The following CC2D2B variants were observed in gnomAD, a reference collection of about 807,000 sequenced individuals.
CC2D2B encodes the protein protein CC2D2B.
Under a neutral mutation model 161.2 loss-of-function variants are expected in CC2D2B, and 128 were observed. That is an observed-to-expected ratio of 0.79 (90% CI 0.69 to 0.92). CC2D2B has a LOEUF of 0.92. CC2D2B is among the 40% of genes least tolerant of loss of function. The probability of loss-of-function intolerance (pLI) is 0.00; values close to 1 mark genes in which losing one functional copy is unlikely to be tolerated. For synonymous variants in CC2D2B, 391 were observed against 449.8 expected, an observed-to-expected ratio of 0.87 and a Z score of 1.65; for missense variants, 1,173 against 1,375.1, an observed-to-expected ratio of 0.85 and a Z score of 2.32.
chr10:95,993,765 A>AGT (rs1465921780), intron 22 of CC2D2B, among the ~76,000 whole-genome samples: 4 of 146,682 alleles, frequency 2.7e-5, no homozygotes, highest in Non-Finnish European at 6.0e-5. Context: ...ATATAGAAAG[A>AGT]GTGTGTATAT....
At chr10:96,029,830 C>T (rs866601321) in intron 34 of CC2D2B, among the ~76,000 whole-genome samples, 3 of 137,530 alleles carry the variant, frequency 2.2e-5, no homozygotes, top group Middle Eastern at 8.1e-3. Context: ...TTTTTTTTTG[C>T]GACGAGGTCT....
intron 34 of CC2D2B, among the ~76,000 whole-genome samples, chr10:96,028,972 G>A (rs1240775668): frequency 6.6e-6 from 1 of 151,942 alleles, no homozygotes; most frequent in African/African-American, 2.4e-5. Flanking sequence ...ACCAGAGGCT[G>A]GGAAGGGGAG....
intron 19 of CC2D2B, among the ~76,000 whole-genome samples, chr10:95,987,763 G>T (rs2077789430): frequency 6.6e-6 from 1 of 152,138 alleles, no homozygotes; most frequent in Non-Finnish European, 1.5e-5. Context: ...TCTTGTGACA[G>T]AGGCATTATT....
rs1191037973 is a variant in CC2D2B at position 95,993,873 on chromosome 10, GTA to G, written c.2642+1191_2642+1192del. Among the ~76,000 whole-genome samples the G allele has an allele frequency of 3.5e-3, 285 of 80,730 alleles. 7 individuals are homozygous for G. The highest frequency in any genetic ancestry group is 0.012 in the African/African-American group (220 of 18,370). The allele number at this position is 80,730 out of a possible 152,430, so 53.0% of individuals were successfully genotyped here. A position where few individuals can be genotyped will look rare whatever the true frequency, so the allele number is the denominator to read the frequency against. ...ATATAGAGAGAGAGAGAGAGAGAGT[GTA>G]TATATATATATATAGAGAGAGAGAA... On this transcript the variant is annotated intron_variant, in intron 22 of 34. Coordinates refer to ENST00000646931, the MANE Select transcript of CC2D2B (RefSeq NM_001349008.3).
intron 6 of CC2D2B, among the ~76,000 whole-genome samples, chr10:95,932,749 A>G (rs2075654933): frequency 6.6e-6 from 1 of 152,194 alleles, no homozygotes. Context: ...ATAGAGATCC[A>G]CTGTTAGTCT....
At chr10:96,018,519 T>C (rs940686232) in intron 30 of CC2D2B, among the ~76,000 whole-genome samples, 1 of 152,208 alleles carries the variant, frequency 6.6e-6, no homozygotes, top group African/African-American at 2.4e-5. Context: ...CTTGTATGAA[T>C]TAGACAAAAG....
chr10:95,959,159 A>G lies in CC2D2B; in HGVS notation c.1110-2670A>G, dbSNP rs1204137460. The stretch of plus-strand genomic sequence containing the variant: ...AAAAAAAACCTTAAGTAATTCAATA[A>G]TTGTTAAAGAAATCAAACCATTAAT... On this transcript the variant is annotated intron_variant, in intron 11 of 34. Coordinates refer to ENST00000646931, the MANE Select transcript of CC2D2B (RefSeq NM_001349008.3). Among the ~76,000 whole-genome samples the G allele has an allele frequency of 2.6e-5, 4 of 152,362 alleles. No homozygotes were observed. In the East Asian group the frequency reaches 7.7e-4, roughly 29 times the overall value.
intron 5 of CC2D2B, among the ~76,000 whole-genome samples, chr10:95,926,058 G>C (rs2098537825): frequency 6.6e-6 from 1 of 151,944 alleles, no homozygotes; most frequent in Non-Finnish European, 1.5e-5. Flanking sequence ...GCACCTCTTA[G>C]ATGCTTAATA....
At chr10:95,918,362 T>G (rs1339140724) in intron 2 of CC2D2B, among the ~76,000 whole-genome samples, 1 of 152,226 alleles carries the variant, frequency 6.6e-6, no homozygotes, top group East Asian at 1.9e-4. Flanking sequence ...CTCCTTCATC[T>G]TTGACGATAT....
chr10:95,945,594 C>T (rs2076168388), intron 9 of CC2D2B, among the ~76,000 whole-genome samples: 1 of 152,014 alleles, frequency 6.6e-6, no homozygotes, highest in Non-Finnish European at 1.5e-5. Flanking sequence ...ATATGTCAAC[C>T]AGCTTGGATG....
Position 95,992,647 on chromosome 10 carries a change from C to T in CC2D2B, c.2592C>T (p.Val864=). Reference sequence around the variant, plus strand: ...CTGACGGAGATATTAAGATTCTTGTCCGAATAGTGAGGGCCTATAATATTC... The same window carrying T: ...CTGACGGAGATATTAAGATTCTTGTTCGAATAGTGAGGGCCTATAATATTC... The part of the protein sequence containing the change: ...AISDGDIKIL[V]RIVRAYNIPT... Residue 864 remains valine (V), a synonymous_variant, in exon 22 of 35, where the codon GTC becomes GTT. Coordinates refer to ENST00000646931, the MANE Select transcript of CC2D2B (RefSeq NM_001349008.3). 8.1e-7 allele frequency: 1 copy of T among 1,234,128 alleles called. No homozygotes were observed. The highest frequency in any genetic ancestry group is 1.0e-6 in the Non-Finnish European group (1 of 988,058). The allele number at this position is 1,234,128 out of a possible 1,614,324, so 76.4% of individuals were successfully genotyped here.
chr10:95,961,843 T>C lies in CC2D2B; in HGVS notation c.1124T>C (p.Met375Thr), dbSNP rs1305339200. Reference protein sequence around the residue: ...YYWQISNTKQMYDLERGKDLS... With the variant: ...YYWQISNTKQTYDLERGKDLS... ...TTTTGTTGTAGTAATACAAAACAGA[T>C]GTATGACTTAGAAAGGGGAAAGGAC... Residue 375 changes from methionine (M) to threonine (T), a missense_variant, in exon 12 of 35, where the codon ATG (methionine) becomes ACG (threonine). Met to Thr is a moderately conservative substitution (Grantham distance 81). Coordinates refer to ENST00000646931, the MANE Select transcript of CC2D2B (RefSeq NM_001349008.3). The C allele has an allele frequency of 3.2e-6, 4 of 1,231,596 alleles. No homozygotes were observed. The highest frequency in any genetic ancestry group is 1.6e-5 in the African/African-American group (1 of 64,484). 76.3% of individuals were successfully genotyped at this position (1,231,596 alleles called of 1,614,324 possible). A position where few individuals can be genotyped will look rare whatever the true frequency, so the allele number is the denominator to read the frequency against.
intron 29 of CC2D2B, among the ~76,000 whole-genome samples, chr10:96,015,506 T>C (rs2079159490): frequency 6.6e-6 from 1 of 151,988 alleles, no homozygotes; most frequent in African/African-American, 2.4e-5. Flanking sequence ...TCCAGAGTTT[T>C]CTAAGAAAAT....
intron 10 of CC2D2B, chr10:95,950,382 A>T (rs1418114155): frequency 3.0e-5 from 7 of 235,624 alleles, no homozygotes; most frequent in Admixed American, 5.6e-5. Context: ...TAATGAAAAG[A>T]GCCATGTGGC....
chr10:95,919,076 G>A (rs1003468498), intron 2 of CC2D2B: 1 of 152,020 alleles, frequency 6.6e-6, no homozygotes, highest in Non-Finnish European at 1.5e-5. Flanking sequence ...TGAATTCACC[G>A]CTTGAAAGAT....
At chr10:95,962,491 A>G (rs909841388) in intron 12 of CC2D2B, among the ~76,000 whole-genome samples, 2 of 152,216 alleles carry the variant, frequency 1.3e-5, no homozygotes, top group Non-Finnish European at 2.9e-5. Flanking sequence ...AGTTTGGCAC[A>G]TTCTTATAAA....
chr10:95,909,121 GC>G, intron 1 of CC2D2B, among the ~76,000 whole-genome samples: 1 of 152,220 alleles, frequency 6.6e-6, no homozygotes, highest in South Asian at 2.1e-4. Context: ...CTTTTGTCAC[GC>G]CGTTTGTTCC....
Position 95,974,008 on chromosome 10 carries a change from G to A in CC2D2B, c.1796-1G>A. 8.1e-7 allele frequency: 1 copy of A among 1,230,830 alleles called. No homozygotes were observed. The highest frequency in any genetic ancestry group is 1.0e-6 in the Non-Finnish European group (1 of 986,926). The allele number at this position is 1,230,830 out of a possible 1,614,324, so 76.2% of individuals were successfully genotyped here. On this transcript the variant is annotated splice_acceptor_variant, in intron 16 of 34. Transcript: ENST00000646931. LOFTEE classifies it high-confidence loss of function. ...ATGTTTTTAATGCCTTTTATAAACA[G>A]ATGTGCCTTTTCTTCTTGAGGGAAA...
chr10:95,923,708 C>T (rs1007602845), intron 3 of CC2D2B, among the ~76,000 whole-genome samples: 15 of 151,992 alleles, frequency 9.9e-5, no homozygotes, highest in African/African-American at 3.1e-4. Context: ...TATGTACCCA[C>T]GATAATTAAA....
Sources: gnomAD v4.1 joint callset for allele counts (sites outside exome capture counted in the v4.1 genomes callset) on GRCh38, gnomAD v4.1.1 for gene constraint, MANE v1.5 for transcripts, NCBI Gene and HGNC (gene_info 2026-07-23, HGNC 2026-07-21) for gene names.